The following WWP2 variants were observed in gnomAD, a reference collection of about 807,000 sequenced individuals.
The protein encoded by WWP2 is NEDD4-like E3 ubiquitin-protein ligase WWP2.
WWP2 carries 57 observed loss-of-function variants against 121.0 expected under a neutral mutation model. The observed-to-expected ratio is 0.47, with a 90% CI of 0.38 to 0.59. The LOEUF is 0.59. WWP2 is among the 20% of genes least tolerant of loss of function. The pLI is 0.00. For synonymous variants in WWP2, 449 were observed against 441.3 expected, an observed-to-expected ratio of 1.02 and a Z score of -0.22; for missense variants, 962 against 1,158.9, an observed-to-expected ratio of 0.83 and a Z score of 2.47.
intron 4 of WWP2, among the ~76,000 whole-genome samples, chr16:69,813,569 C>G (rs139718247): frequency 6.6e-6 from 1 of 152,174 alleles, no homozygotes; most frequent in Non-Finnish European, 1.5e-5. Flanking sequence ...TTCAAGCGAT[C>G]CCCCCACCTC....
intron 8 of WWP2, among the ~76,000 whole-genome samples, chr16:69,892,966 C>T (rs1278483673): frequency 6.6e-6 from 1 of 152,222 alleles, no homozygotes; most frequent in African/African-American, 2.4e-5. Flanking sequence ...TGTAATATGA[C>T]CCCACCTACC....
intron 9 of WWP2, among the ~76,000 whole-genome samples, chr16:69,912,448 G>C (rs2058394448): frequency 6.6e-6 from 1 of 151,820 alleles, no homozygotes; most frequent in African/African-American, 2.4e-5. Context: ...AAGCTGCAGA[G>C]AGAGTAGGAG....
intron 7 of WWP2, among the ~76,000 whole-genome samples, chr16:69,887,085 TG>T (rs1306115153): frequency 1.3e-5 from 2 of 152,190 alleles, no homozygotes; most frequent in East Asian, 3.9e-4. Flanking sequence ...CAATGCACCT[TG>T]GGGTCCTTGT....
intron 9 of WWP2, chr16:69,910,245 A>G (rs2058359472): frequency 2.6e-6 from 1 of 387,372 alleles, no homozygotes; most frequent in Admixed American, 6.4e-5. Flanking sequence ...TAAAACTCTA[A>G]TATCATTAAC....
chr16:69,895,995 C>G (rs1475899238), intron 8 of WWP2, among the ~76,000 whole-genome samples: 8 of 152,194 alleles, frequency 5.3e-5, no homozygotes, highest in Admixed American at 1.3e-4. Flanking sequence ...CTGGCTTCCT[C>G]ATCACCATCT....
intron 8 of WWP2, among the ~76,000 whole-genome samples, chr16:69,889,106 G>A (rs2151939685): frequency 6.6e-6 from 1 of 152,118 alleles, no homozygotes; most frequent in South Asian, 2.1e-4. Context: ...TTGAGGCCAG[G>A]AGTTTGAGAC....
intron 10 of WWP2, among the ~76,000 whole-genome samples, chr16:69,922,954 A>G (rs1285554624): frequency 6.6e-6 from 1 of 151,974 alleles, no homozygotes; most frequent in Non-Finnish European, 1.5e-5. Context: ...CAGTGGCGCA[A>G]TCTCGGCTCA....
intron 9 of WWP2, chr16:69,909,833 A>G (rs2058353810): frequency 2.1e-6 from 1 of 485,376 alleles, no homozygotes; most frequent in African/African-American, 2.1e-5. Flanking sequence ...CACATACTCA[A>G]CATTTAGCTT....
At chr16:69,915,805 G>A (rs986612315) in intron 9 of WWP2, among the ~76,000 whole-genome samples, 2 of 152,060 alleles carry the variant, frequency 1.3e-5, no homozygotes, top group African/African-American at 2.4e-5. Context: ...AGGCTGAGGC[G>A]AGAGGATTGC....
chr16:69,913,200 A>ATT (rs112233666), intron 9 of WWP2, among the ~76,000 whole-genome samples: 28 of 144,366 alleles, frequency 1.9e-4, no homozygotes, highest in Admixed American at 4.2e-4. Flanking sequence ...AATTCTTGTA[A>ATT]TTTTTTTTTT....
chr16:69,837,164 A>T (rs984710804), intron 4 of WWP2, among the ~76,000 whole-genome samples: 1 of 149,632 alleles, frequency 6.7e-6, no homozygotes, highest in Admixed American at 6.7e-5. Flanking sequence ...GACTCAAGCA[A>T]TCCATCCTCC....
intron 1 of WWP2, among the ~76,000 whole-genome samples, chr16:69,763,866 CAA>C (rs2038671033): frequency 6.6e-6 from 1 of 152,156 alleles, no homozygotes; most frequent in Admixed American, 6.6e-5. Context: ...GATTTGAACC[CAA>C]GTCTTCTACT....
Position 69,886,751 on chromosome 16 carries a change from CTG to C in WWP2, c.704-1284_704-1283del, listed in dbSNP as rs1194563282. Among the ~76,000 whole-genome samples the C allele has an allele frequency of 3.9e-5, 6 of 152,264 alleles. No individual in the cohort carries two copies. In the East Asian group the frequency reaches 1.2e-3, roughly 29 times the overall value. On this transcript the variant is annotated intron_variant, in intron 7 of 23. Coordinates refer to ENST00000359154, the MANE Select transcript of WWP2 (RefSeq NM_001270454.2). ...CTCCAGCTTGGGTGACGGAGCGAGA[CTG>C]TGTCTCAAAACAAAACAACCCCTCA...
At chr16:69,794,998 T>C (rs2055998322) in intron 2 of WWP2, among the ~76,000 whole-genome samples, 1 of 152,054 alleles carries the variant, frequency 6.6e-6, no homozygotes, top group Non-Finnish European at 1.5e-5. Flanking sequence ...GTAGATCGCT[T>C]GAGTCCAGGT....
rs111836545 is a variant in WWP2, at chr16:69,834,190, C to T, written c.341-5936C>T. Among the ~76,000 whole-genome samples, 6 of 152,326 alleles carry T rather than the reference C, an allele frequency of 3.9e-5. 1 individual carries two copies. Among genetic ancestry groups the T allele is most frequent in the African/African-American group, 1.4e-4 (6 of 41,572 alleles). On this transcript the variant is annotated intron_variant, in intron 4 of 23. Transcript: ENST00000359154. ...CTTGTCCCAAGGCCTGACTGGGAGG[C>T]TCTGGCTACCTCCTGCCCTCATCTG... is the stretch of plus-strand genomic sequence containing the variant.
chr16:69,862,201 G>C (rs1294179441), intron 6 of WWP2, among the ~76,000 whole-genome samples: 1 of 152,246 alleles, frequency 6.6e-6, no homozygotes, highest in Non-Finnish European at 1.5e-5. Flanking sequence ...GAGTAGCTGG[G>C]ATTACAGGCA....
Position 69,938,625 on chromosome 16 carries a change from G to A in WWP2, c.2344-402G>A, listed in dbSNP as rs890257636. 3.3e-5 allele frequency among the ~76,000 whole-genome samples: 5 copies of A among 152,238 alleles called. No homozygotes were observed. In the East Asian group the frequency reaches 5.8e-4, roughly 18 times the overall value. ...CGTGCCACTGCACTCCAGCCTGGGC[G>A]ACAGAGCAGTGGCTTCCAGTACATT... is the stretch of plus-strand genomic sequence containing the variant. On this transcript the variant is annotated intron_variant, in intron 21 of 23. Transcript: ENST00000359154.
intron 4 of WWP2, among the ~76,000 whole-genome samples, chr16:69,811,941 A>G (rs569987138): frequency 1.3e-5 from 2 of 152,214 alleles, no homozygotes; most frequent in East Asian, 3.9e-4. Context: ...TCTGGTTCCT[A>G]AAGGAGAAGG....
chr16:69,825,819 A>G (rs1398172243), intron 4 of WWP2, among the ~76,000 whole-genome samples: 2 of 151,676 alleles, frequency 1.3e-5, no homozygotes, highest in African/African-American at 4.8e-5. Flanking sequence ...TAGACACAGG[A>G]TCTCCCTATG....
Sources: gnomAD v4.1 joint callset for allele counts (sites outside exome capture counted in the v4.1 genomes callset) on GRCh38, gnomAD v4.1.1 for gene constraint, MANE v1.5 for transcripts, NCBI Gene and HGNC (gene_info 2026-07-23, HGNC 2026-07-21) for gene names.